LPP: variants seen among roughly 807,000 people sequenced by gnomAD.
LPP encodes lipoma-preferred partner.
In LPP, 38 loss-of-function variants were observed where a neutral mutation model predicts 60.4. The observed-to-expected ratio is 0.63, with a 90% CI of 0.49 to 0.83. The LOEUF (loss-of-function observed/expected upper bound fraction) is 0.83. LPP is among the 40% of genes least tolerant of loss of function. The pLI is 0.00. For synonymous variants in LPP, 328 were observed against 290.8 expected (o/e 1.13, Z -1.30); for missense variants, 902 against 783.6 (o/e 1.15, Z -1.80).
At position 188,633,032 on chromosome 3, in the gene LPP, G is replaced by C. The variant is rs150188737; in HGVS notation, c.1113+23188G>C. Among the ~76,000 whole-genome samples, 74 of 152,320 alleles carry C rather than the reference G, an allele frequency of 4.9e-4. 1 individual carries two copies. Among genetic ancestry groups the C allele is most frequent in the African/African-American group, 1.7e-3 (72 of 41,574 alleles). On this transcript the variant is annotated intron_variant, in intron 7 of 11. Coordinates refer to ENST00000617246, the MANE Select transcript of LPP (RefSeq NM_001375462.1). ...GCAATCTGAGGAAAGTTGTTGGCCA[G>C]CCATCACCCAGTGTGACCTAGTGAC...
intron 2 of LPP, among the ~76,000 whole-genome samples, chr3:188,322,992 T>C (rs1037036859): frequency 3.3e-5 from 5 of 152,172 alleles, no homozygotes; most frequent in Non-Finnish European, 7.3e-5. Flanking sequence ...GAAAAGGGCA[T>C]TAGAGTGATT....
chr3:188,238,961 A>C (rs183574246), intron 2 of LPP, among the ~76,000 whole-genome samples: 1 of 152,374 alleles, frequency 6.6e-6, no homozygotes, highest in East Asian at 1.9e-4. Flanking sequence ...TTTATTAGTT[A>C]AGTACACATT....
At chr3:188,703,318 T>A (rs1164027238) in intron 7 of LPP, among the ~76,000 whole-genome samples, 1 of 152,212 alleles carries the variant, frequency 6.6e-6, no homozygotes, top group Non-Finnish European at 1.5e-5. Flanking sequence ...TTGGACACAG[T>A]TGTTCATTTT....
At chr3:188,705,964 G>A (rs1865406623) in intron 7 of LPP, among the ~76,000 whole-genome samples, 2 of 152,080 alleles carry the variant, frequency 1.3e-5, no homozygotes, top group African/African-American at 4.8e-5. Flanking sequence ...ACCCCCACTA[G>A]ACTGCAAAAC....
Position 188,187,623 on chromosome 3 carries a change from T to C in LPP, c.-190+33371T>C, listed in dbSNP as rs1003378428. On this transcript the variant is annotated intron_variant, in intron 1 of 11. Transcript: ENST00000617246. Reference sequence around the variant, plus strand: ...TGTGTCTTCTTCAAGTTCCAGCAACTTTTTCTCTTATTTTGGACTGGTTTC... The same window carrying C: ...TGTGTCTTCTTCAAGTTCCAGCAACCTTTTCTCTTATTTTGGACTGGTTTC... Among the ~76,000 whole-genome samples, 4 of 152,194 alleles carry C rather than the reference T, an allele frequency of 2.6e-5. No homozygotes were observed. In the East Asian group the frequency reaches 7.7e-4, roughly 29 times the overall value.
intron 3 of LPP, among the ~76,000 whole-genome samples, chr3:188,392,542 C>A (rs149891117): frequency 3.9e-5 from 6 of 152,202 alleles, no homozygotes; most frequent in Non-Finnish European, 8.8e-5. Context: ...TAGGCTTATT[C>A]TTAAAAGGAA....
intron 6 of LPP, among the ~76,000 whole-genome samples, chr3:188,532,400 G>A (rs1822430389): frequency 6.6e-6 from 1 of 151,092 alleles, no homozygotes. Context: ...ACTCCAGCCT[G>A]GGCAACAGAG....
At chr3:188,389,405 A>T (rs1428599366) in intron 3 of LPP, among the ~76,000 whole-genome samples, 2 of 152,164 alleles carry the variant, frequency 1.3e-5, no homozygotes, top group Non-Finnish European at 2.9e-5. Context: ...TGACCGCTTG[A>T]CAGTGGATTG....
chr3:188,428,580 C>CTATATATA (rs5855196), intron 4 of LPP, among the ~76,000 whole-genome samples: 1 of 137,420 alleles, frequency 7.3e-6, no homozygotes, highest in African/African-American at 2.7e-5. Context: ...GGGATGGGCA[C>CTATATATA]TATATATATA....
chr3:188,586,732 G>GTTT lies in LPP; in HGVS notation c.430-22417_430-22415dup, dbSNP rs11390616. Among the ~76,000 whole-genome samples the GTTT allele has an allele frequency of 7.5e-3, 1,085 of 144,376 alleles. 8 individuals carry two copies. The highest frequency in any genetic ancestry group is 0.014 in the South Asian group (62 of 4,578). The allele number at this position is 144,376 out of a possible 152,430, so 94.7% of individuals were successfully genotyped here. A position where few individuals can be genotyped will look rare whatever the true frequency, so the allele number is the denominator to read the frequency against. On this transcript the variant is annotated intron_variant, in intron 6 of 11. Coordinates refer to ENST00000617246, the MANE Select transcript of LPP (RefSeq NM_001375462.1). ...TTTAGCAAAATAGTCCTTAAACATT[G>GTTT]TTTTTTTTTTTTTTAAGTTGGAGTC...
Position 188,473,076 on chromosome 3 carries a change from G to GC in LPP, c.194-11516_194-11515insC, listed in dbSNP as rs552576321. Among the ~76,000 whole-genome samples, 29 of 152,182 alleles carry GC rather than the reference G, an allele frequency of 1.9e-4. No homozygotes were observed. In the South Asian group the frequency reaches 5.8e-3, roughly 30 times the overall value. On this transcript the variant is annotated intron_variant, in intron 4 of 11. Coordinates refer to ENST00000617246, the MANE Select transcript of LPP (RefSeq NM_001375462.1). Reference sequence around the variant, plus strand: ...GAAAATGTATTCATCTATAAAAAAAGTTATTGGACTAGTTCAATGACTTAC... The same window carrying GC: ...GAAAATGTATTCATCTATAAAAAAAGCTTATTGGACTAGTTCAATGACTTAC...
intron 6 of LPP, among the ~76,000 whole-genome samples, chr3:188,547,589 T>G (rs114807293): frequency 0.023 from 3,434 of 152,294 alleles, 51 homozygotes; most frequent in Admixed American, 0.045. Context: ...CAATACACTG[T>G]CTCTTTTTTT....
At chr3:188,491,531 C>CT (rs1808377222) in intron 5 of LPP, among the ~76,000 whole-genome samples, 1 of 152,172 alleles carries the variant, frequency 6.6e-6, no homozygotes. Context: ...TGATTTGTAG[C>CT]TTGTTTGTGA....
At chr3:188,348,022 G>C (rs1764858444) in intron 3 of LPP, among the ~76,000 whole-genome samples, 1 of 152,182 alleles carries the variant, frequency 6.6e-6, no homozygotes, top group African/African-American at 2.4e-5. Context: ...TGATAGGCTT[G>C]ACAGGCAGAT....
At chr3:188,358,792 G>C (rs1296057531) in intron 3 of LPP, among the ~76,000 whole-genome samples, 2 of 152,086 alleles carry the variant, frequency 1.3e-5, no homozygotes, top group Non-Finnish European at 2.9e-5. Context: ...TCTCTCTGGA[G>C]GTCAATCCTG....
At chr3:188,733,309 G>T (rs907328504) in intron 8 of LPP, among the ~76,000 whole-genome samples, 1 of 151,988 alleles carries the variant, frequency 6.6e-6, no homozygotes, top group African/African-American at 2.4e-5. Flanking sequence ...GTGTGTGTGT[G>T]TGTGTGTGTA....
At chr3:188,423,426 A>G (rs1308795431) in intron 4 of LPP, among the ~76,000 whole-genome samples, 1 of 152,200 alleles carries the variant, frequency 6.6e-6, no homozygotes, top group African/African-American at 2.4e-5. Flanking sequence ...GTGTCTTCAT[A>G]GTAGAATGAT....
At chr3:188,326,697 T>C (rs945339043) in intron 2 of LPP, among the ~76,000 whole-genome samples, 13 of 152,216 alleles carry the variant, frequency 8.5e-5, no homozygotes, top group African/African-American at 3.1e-4. Context: ...CTAATATAAC[T>C]AGTTTAATGA....
At chr3:188,472,334 G>A (rs866051446) in intron 4 of LPP, among the ~76,000 whole-genome samples, 11 of 152,112 alleles carry the variant, frequency 7.2e-5, no homozygotes, top group Middle Eastern at 3.4e-3. Flanking sequence ...CAGCTAGCAG[G>A]TGGTGAAGTA....
Sources: allele counts gnomAD v4.1 joint callset (sites outside exome capture counted in the v4.1 genomes callset), GRCh38; gene constraint gnomAD v4.1.1; transcripts MANE v1.5; gene names NCBI Gene and HGNC (gene_info 2026-07-23, HGNC 2026-07-21).